The following RALGAPA2 variants were observed in gnomAD, a reference collection of about 807,000 sequenced individuals.
RALGAPA2 encodes the protein ral GTPase-activating protein subunit alpha-2.
A neutral mutation model predicts 230.4 loss-of-function variants in RALGAPA2; 139 were observed. The observed-to-expected ratio is 0.60, with a 90% CI of 0.53 to 0.69. RALGAPA2 has a LOEUF of 0.69. RALGAPA2 is among the 30% of genes least tolerant of loss of function. RALGAPA2 has a pLI of 0.00. For missense variants in RALGAPA2, 2,163 were observed against 2,276.0 expected (o/e 0.95, Z 1.01); for synonymous variants, 847 against 837.8 (o/e 1.01, Z -0.19).
At chr20:20,520,342 C>T (rs567679807) in intron 31 of RALGAPA2, among the ~76,000 whole-genome samples, 1 of 152,314 alleles carries the variant, frequency 6.6e-6, no homozygotes, top group Non-Finnish European at 1.5e-5. Context: ...GGGCTCTTAT[C>T]ATTCTGGGGA....
At chr20:20,596,435 T>C (rs559195193) in intron 16 of RALGAPA2, among the ~76,000 whole-genome samples, 2 of 152,330 alleles carry the variant, frequency 1.3e-5, no homozygotes, top group Non-Finnish European at 2.9e-5. Flanking sequence ...TTAAGTGTCA[T>C]ATTATCTAGC....
chr20:20,675,785 T>TTTGTATATGC (rs1161514220), intron 3 of RALGAPA2, among the ~76,000 whole-genome samples: 1 of 152,090 alleles, frequency 6.6e-6, no homozygotes, highest in Non-Finnish European at 1.5e-5. Context: ...TTTATATATA[T>TTTGTATATGC]ATGTATTTAT....
intron 35 of RALGAPA2, among the ~76,000 whole-genome samples, chr20:20,502,749 G>A (rs928711787): frequency 1.3e-5 from 2 of 152,194 alleles, no homozygotes; most frequent in Admixed American, 6.5e-5. Context: ...GTTGCTCTGA[G>A]ACGTTCTCCT....
At chr20:20,466,217 A>G (rs1197879563) in intron 37 of RALGAPA2, among the ~76,000 whole-genome samples, 1 of 152,248 alleles carries the variant, frequency 6.6e-6, no homozygotes, top group Non-Finnish European at 1.5e-5. Context: ...CTGATTCTTC[A>G]GGAGAAGTCA....
At chr20:20,700,304 G>A (rs957541519) in intron 1 of RALGAPA2, among the ~76,000 whole-genome samples, 1 of 152,058 alleles carries the variant, frequency 6.6e-6, no homozygotes, top group Non-Finnish European at 1.5e-5. Context: ...CTACCTAGAG[G>A]GGGGATGGAG....
At chr20:20,687,333 C>A (rs2068741851) in intron 1 of RALGAPA2, among the ~76,000 whole-genome samples, 1 of 152,132 alleles carries the variant, frequency 6.6e-6, no homozygotes, top group Admixed American at 6.5e-5. Flanking sequence ...ATGATTCTGG[C>A]GATTTCACAT....
chr20:20,399,083 G>T (rs1041478956), intron 38 of RALGAPA2, among the ~76,000 whole-genome samples: 1 of 152,184 alleles, frequency 6.6e-6, no homozygotes, highest in Non-Finnish European at 1.5e-5. Flanking sequence ...GGTGGCTCAC[G>T]CCTGTAATCC....
In RALGAPA2 at chr20:20,453,102, T is replaced by G. The variant is rs990288458; in HGVS notation, c.5495+19727A>C. 2.6e-5 allele frequency among the ~76,000 whole-genome samples: 4 copies of G among 152,380 alleles called. No individual in the cohort carries two copies. In the East Asian group the frequency reaches 7.7e-4, roughly 29 times the overall value. On this transcript the variant is annotated intron_variant, in intron 37 of 39. Transcript: ENST00000202677. ...TTGTGTTAAGACATTGCATTGCGTTTGCATAATACATTAAAATAGGATCAT... is the reference window on the plus strand; with the variant it reads ...TTGTGTTAAGACATTGCATTGCGTTGGCATAATACATTAAAATAGGATCAT...
At chr20:20,634,693 T>C (rs2066797786) in intron 9 of RALGAPA2, among the ~76,000 whole-genome samples, 1 of 152,198 alleles carries the variant, frequency 6.6e-6, no homozygotes, top group African/African-American at 2.4e-5. Context: ...CCTATCCCTG[T>C]TCTTGGGGAC....
chr20:20,622,593 A>G (rs1396913875), intron 10 of RALGAPA2, among the ~76,000 whole-genome samples: 4 of 152,212 alleles, frequency 2.6e-5, no homozygotes, highest in African/African-American at 9.6e-5. Flanking sequence ...AGAATTTGAC[A>G]CCCAGAAATA....
intron 23 of RALGAPA2, among the ~76,000 whole-genome samples, chr20:20,561,533 C>A (rs1418307336): frequency 6.6e-6 from 1 of 152,170 alleles, no homozygotes; most frequent in Non-Finnish European, 1.5e-5. Context: ...TCAGAACGTT[C>A]CATGTTTTAT....
chr20:20,527,611 C>T (rs1266909032), intron 27 of RALGAPA2, among the ~76,000 whole-genome samples: 3 of 152,122 alleles, frequency 2.0e-5, no homozygotes, highest in Non-Finnish European at 2.9e-5. Context: ...CCCACACCCC[C>T]AAGAGCTGGG....
intron 1 of RALGAPA2, among the ~76,000 whole-genome samples, chr20:20,699,988 C>CA (rs1377889813): frequency 6.6e-6 from 1 of 151,488 alleles, no homozygotes; most frequent in Non-Finnish European, 1.5e-5. Flanking sequence ...ATCATTCTAC[C>CA]AAAAAAAACA....
chr20:20,661,543 A>C (rs1453483382), intron 3 of RALGAPA2, among the ~76,000 whole-genome samples: 1 of 152,226 alleles, frequency 6.6e-6, no homozygotes, highest in Non-Finnish European at 1.5e-5. Context: ...GAATGAAAAT[A>C]GAAAGTGCAC....
At position 20,458,863 on chromosome 20, in the gene RALGAPA2, TATATATATATATAC is replaced by T. The variant is rs1308411813; in HGVS notation, c.5495+13952_5495+13965del. ...ACCTATATATATATAGACCTATATA[TATATATATATATAC>T]ACACACACAAATAAATAAAATATAT... On this transcript the variant is annotated intron_variant, in intron 37 of 39. Transcript: ENST00000202677. Among the ~76,000 whole-genome samples, 869 of 142,050 alleles carry T rather than the reference TATATATATATATAC, an allele frequency of 6.1e-3. 21 individuals carry two copies. The highest frequency in any genetic ancestry group is 9.2e-3 in the South Asian group (42 of 4,560). 93.2% of individuals were successfully genotyped at this position (142,050 alleles called of 152,430 possible).
intron 23 of RALGAPA2, among the ~76,000 whole-genome samples, chr20:20,554,236 T>C (rs901677695): frequency 1.3e-5 from 2 of 152,226 alleles, no homozygotes; most frequent in Non-Finnish European, 1.5e-5. Context: ...TATTTCAGCA[T>C]ATGGAATCTT....
At chr20:20,697,774 G>A (rs554975862) in intron 1 of RALGAPA2, among the ~76,000 whole-genome samples, 25 of 152,316 alleles carry the variant, frequency 1.6e-4, no homozygotes, top group South Asian at 4.1e-4. Context: ...GAGTTGGCCT[G>A]AGAATGAAGC....
At chr20:20,631,378 G>C (rs922265794) in intron 9 of RALGAPA2, among the ~76,000 whole-genome samples, 1 of 152,182 alleles carries the variant, frequency 6.6e-6, no homozygotes, top group Non-Finnish European at 1.5e-5. Flanking sequence ...CAGGGCAAAA[G>C]AGACATAACA....
intron 33 of RALGAPA2, among the ~76,000 whole-genome samples, chr20:20,509,235 A>G (rs180813516): frequency 9.8e-5 from 15 of 152,342 alleles, no homozygotes; most frequent in Admixed American, 7.8e-4. Flanking sequence ...AAGAATCAGG[A>G]AACAGAATAC....
Sources: gnomAD v4.1 joint callset for allele counts (sites outside exome capture counted in the v4.1 genomes callset) on GRCh38, gnomAD v4.1.1 for gene constraint, MANE v1.5 for transcripts, NCBI Gene and HGNC (gene_info 2026-07-23, HGNC 2026-07-21) for gene names.